RABGAP1: variants seen among roughly 807,000 people sequenced by gnomAD.
RABGAP1 encodes RAB GTPase activating protein 1.
In RABGAP1, 23 loss-of-function variants were observed where a neutral mutation model predicts 137.6. The observed-to-expected ratio is 0.17, with a 90% CI of 0.12 to 0.24. The LOEUF (loss-of-function observed/expected upper bound fraction) is 0.24, where lower values mean the gene tolerates loss of function less well. Ranked by LOEUF, RABGAP1 falls within the 10% of genes least tolerant of loss-of-function variation. RABGAP1 has a pLI of 1.00. For missense variants in RABGAP1, 906 were observed against 1,275.8 expected (o/e 0.71, Z 4.42); for synonymous variants, 451 against 450.7 (o/e 1.00, Z -0.01).
intron 13 of RABGAP1, among the ~76,000 whole-genome samples, chr9:123,023,535 A>G (rs1025154989): frequency 6.6e-6 from 1 of 152,096 alleles, no homozygotes; most frequent in Non-Finnish European, 1.5e-5. Flanking sequence ...GCTCATTTGT[A>G]TCTCACTTCT....
At chr9:123,096,735 A>AT (rs1470356742) in intron 21 of RABGAP1, among the ~76,000 whole-genome samples, 1 of 152,088 alleles carries the variant, frequency 6.6e-6, no homozygotes, top group Non-Finnish European at 1.5e-5. Flanking sequence ...CGCCCGGCTA[A>AT]TTTTTTGTAT....
At chr9:122,946,354 A>G (rs1833947568) in intron 1 of RABGAP1, among the ~76,000 whole-genome samples, 1 of 152,216 alleles carries the variant, frequency 6.6e-6, no homozygotes. Context: ...GAATGTAAAC[A>G]GATGCATATT....
intron 13 of RABGAP1, among the ~76,000 whole-genome samples, chr9:123,048,365 C>G (rs117696785): frequency 0.022 from 3,414 of 152,236 alleles, 60 homozygotes; most frequent in Middle Eastern, 0.048. Context: ...CATTTATAAG[C>G]ATTTTCTTGG....
chr9:122,971,759 A>G (rs1266476468), intron 2 of RABGAP1: 1 of 152,238 alleles, frequency 6.6e-6, no homozygotes, highest in Non-Finnish European at 1.5e-5. Context: ...ATCTGAAGAA[A>G]TTATCCAGAA....
intron 2 of RABGAP1, among the ~76,000 whole-genome samples, chr9:122,972,187 G>A (rs1385595949): frequency 6.6e-6 from 1 of 152,140 alleles, no homozygotes; most frequent in East Asian, 1.9e-4. Context: ...CCAGCACTTT[G>A]GGAGGCTGAG....
intron 13 of RABGAP1, among the ~76,000 whole-genome samples, chr9:123,057,240 C>T (rs2033754594): frequency 6.6e-6 from 1 of 151,730 alleles, no homozygotes; most frequent in African/African-American, 2.4e-5. Flanking sequence ...GGCGGAGGGG[C>T]TCCTCACTTC....
intron 10 of RABGAP1, among the ~76,000 whole-genome samples, chr9:123,007,108 C>CA (rs1234978538): frequency 6.6e-5 from 10 of 150,444 alleles, no homozygotes; most frequent in Admixed American, 6.6e-4. Context: ...TTTTTTTAGA[C>CA]AGAGTCTCAC....
upstream of RABGAP1, among the ~76,000 whole-genome samples, chr9:122,936,849 C>T (rs1450119505): frequency 6.6e-6 from 1 of 152,288 alleles, no homozygotes. Flanking sequence ...TAGAAAGCTA[C>T]TGCATATAAC....
intron 1 of RABGAP1, among the ~76,000 whole-genome samples, chr9:122,945,147 C>CTTTTTTTTTTTTTTT (rs202090815): frequency 0.014 from 1,052 of 75,670 alleles, 219 homozygotes; most frequent in African/African-American, 0.038. Flanking sequence ...ATAGCTGTTG[C>CTTTTTTTTTTTTTTT]TTTTTTTTTT....
At chr9:123,056,531 G>T (rs1428011364) in intron 13 of RABGAP1, among the ~76,000 whole-genome samples, 1 of 148,042 alleles carries the variant, frequency 6.8e-6, no homozygotes, top group Non-Finnish European at 1.5e-5. Flanking sequence ...CTTGCAGAGT[G>T]GGATTTGGCA....
At chr9:123,056,523 T>C (rs2430397) in intron 13 of RABGAP1, among the ~76,000 whole-genome samples, 107,114 of 142,644 alleles carry the variant, frequency 0.75, 42,304 homozygotes, top group Middle Eastern at 0.89. Flanking sequence ...GGGTGTTTCT[T>C]GCAGAGTGGG....
chr9:123,019,720 T>C (rs1441988235), intron 12 of RABGAP1, among the ~76,000 whole-genome samples: 1 of 151,874 alleles, frequency 6.6e-6, no homozygotes, highest in Non-Finnish European at 1.5e-5. Flanking sequence ...TGAGACAGTC[T>C]CGCTCTGTCA....
intron 1 of RABGAP1, among the ~76,000 whole-genome samples, chr9:122,944,873 G>A (rs1305994845): frequency 2.0e-5 from 3 of 151,840 alleles, no homozygotes; most frequent in African/African-American, 7.3e-5. Flanking sequence ...CACCGCGCCC[G>A]GCCTAAATAA....
intron 2 of RABGAP1, among the ~76,000 whole-genome samples, chr9:122,967,759 T>A (rs920207368): frequency 1.3e-5 from 2 of 152,050 alleles, no homozygotes; most frequent in Non-Finnish European, 2.9e-5. Context: ...TTTTTTTTTT[T>A]AGACAAGAGT....
upstream of RABGAP1, among the ~76,000 whole-genome samples, chr9:122,936,292 G>A (rs961553110): frequency 6.6e-6 from 1 of 152,062 alleles, no homozygotes; most frequent in Non-Finnish European, 1.5e-5. Context: ...GGGTCCCTTA[G>A]GCTTTATTTA....
chr9:123,041,382 T>C (rs1588318690), intron 13 of RABGAP1, among the ~76,000 whole-genome samples: 1 of 152,344 alleles, frequency 6.6e-6, no homozygotes, highest in East Asian at 1.9e-4. Flanking sequence ...TGAATTTTCC[T>C]ATTTTATAGG....
intron 23 of RABGAP1, 46 bp downstream of exon 23, chr9:123,098,844 C>T (rs1173556300): frequency 6.8e-7 from 1 of 1,478,250 alleles, no homozygotes; most frequent in Non-Finnish European, 9.4e-7. Flanking sequence ...CTGGGAGCCC[C>T]TAGTCTGGAT....
intron 2 of RABGAP1, among the ~76,000 whole-genome samples, chr9:122,970,607 C>G (rs1313880479): frequency 6.6e-6 from 1 of 152,168 alleles, no homozygotes; most frequent in Non-Finnish European, 1.5e-5. Context: ...ATCCCTCTGT[C>G]TCCTTCCCTT....
At chr9:123,000,775 A>G (rs201197499) in intron 10 of RABGAP1, among the ~76,000 whole-genome samples, 2 of 152,040 alleles carry the variant, frequency 1.3e-5, no homozygotes, top group South Asian at 2.1e-4. Flanking sequence ...CAGCCTCCCA[A>G]AGTGCTGGGA....
Sources: allele counts gnomAD v4.1 joint callset (sites outside exome capture counted in the v4.1 genomes callset), GRCh38; gene constraint gnomAD v4.1.1; transcripts MANE v1.5; gene names NCBI Gene and HGNC (gene_info 2026-07-23, HGNC 2026-07-21).